NLGN1: variants seen among roughly 807,000 people sequenced by gnomAD.
NLGN1 encodes neuroligin 1, also known as neuroligin-1.
NLGN1 carries 12 observed loss-of-function variants against 65.5 expected under a neutral mutation model. The ratio of observed to expected loss-of-function variants is 0.18; its 90% CI spans 0.12 to 0.30. The LOEUF is 0.30. NLGN1 is among the 10% of genes least tolerant of loss of function. The pLI is 1.00. For missense variants in NLGN1, 750 were observed against 1,007.1 expected (o/e 0.74, Z 3.46); for synonymous variants, 350 against 359.5 (o/e 0.97, Z 0.30).
In NLGN1 at chr3:173,679,543, C is replaced by T. The variant is rs531553587; in HGVS notation, c.493+74452C>T. ...CTCCATGTGTTGGAATTGCTGAATA[C>T]CATTTCATGAGTTAGGTTGGAGAAG... is the stretch of plus-strand genomic sequence containing the variant. On this transcript the variant is annotated intron_variant, in intron 3 of 6. Coordinates refer to ENST00000457714, the Ensembl canonical transcript of NLGN1. Among the ~76,000 whole-genome samples the T allele has an allele frequency of 4.6e-5, 7 of 152,110 alleles. No homozygotes were observed. In the East Asian group the frequency reaches 1.4e-3, roughly 29 times the overall value.
chr3:173,924,874 T>C (rs1055897053), intron 4 of NLGN1, among the ~76,000 whole-genome samples: 13 of 152,098 alleles, frequency 8.5e-5, no homozygotes, highest in Admixed American at 1.3e-4. Flanking sequence ...CATGATTATT[T>C]TGAAAATGAA....
intron 3 of NLGN1, among the ~76,000 whole-genome samples, chr3:173,692,396 G>A (rs1276453300): frequency 6.6e-6 from 1 of 152,084 alleles, no homozygotes; most frequent in African/African-American, 2.4e-5. Context: ...TTTGTGGCAT[G>A]AGGATTAACT....
intron 4 of NLGN1, among the ~76,000 whole-genome samples, chr3:174,030,217 C>T (rs751070403): frequency 6.6e-5 from 10 of 151,288 alleles, no homozygotes; most frequent in South Asian, 2.1e-4. Context: ...CCTCCACCTC[C>T]GAGGTTCAAG....
chr3:174,111,384 C>A (rs58343511), intron 4 of NLGN1, among the ~76,000 whole-genome samples: 1 of 151,762 alleles, frequency 6.6e-6, no homozygotes, highest in Non-Finnish European at 1.5e-5. Context: ...TTAATAAAAG[C>A]CAGAACTTTG....
chr3:173,747,795 C>CTTCTTTT (rs1560289220), intron 3 of NLGN1, among the ~76,000 whole-genome samples: 8 of 78,574 alleles, frequency 1.0e-4, no homozygotes, highest in African/African-American at 3.7e-4. Flanking sequence ...TCTTCTTCTT[C>CTTCTTTT]TTGTTCTTTT....
intron 4 of NLGN1, among the ~76,000 whole-genome samples, chr3:173,830,615 T>C (rs1722339908): frequency 6.6e-6 from 1 of 152,184 alleles, no homozygotes; most frequent in Non-Finnish European, 1.5e-5. Flanking sequence ...ATACAATAAA[T>C]GAAACTCATA....
intron 3 of NLGN1, among the ~76,000 whole-genome samples, chr3:173,678,492 G>A (rs192933350): frequency 6.6e-6 from 1 of 152,164 alleles, no homozygotes; most frequent in African/African-American, 2.4e-5. Flanking sequence ...TGTATTGAAG[G>A]AATCGTAGGA....
chr3:173,662,021 A>T (rs1388565160), intron 3 of NLGN1, among the ~76,000 whole-genome samples: 1 of 152,030 alleles, frequency 6.6e-6, no homozygotes, highest in Non-Finnish European at 1.5e-5. Context: ...GACAAGAGTC[A>T]CGCAACTGTT....
intron 4 of NLGN1, among the ~76,000 whole-genome samples, chr3:173,911,855 A>G (rs1739666518): frequency 6.6e-6 from 1 of 152,216 alleles, no homozygotes; most frequent in Non-Finnish European, 1.5e-5. Context: ...AATTTTTGTT[A>G]CACAAAGACC....
At chr3:174,101,185 T>A (rs1477621062) in intron 4 of NLGN1, among the ~76,000 whole-genome samples, 1 of 152,156 alleles carries the variant, frequency 6.6e-6, no homozygotes, top group Non-Finnish European at 1.5e-5. Context: ...GGTACATGGC[T>A]TAGCACCTGG....
chr3:173,954,468 T>C (rs1162219680), intron 4 of NLGN1, among the ~76,000 whole-genome samples: 1 of 152,186 alleles, frequency 6.6e-6, no homozygotes, highest in African/African-American at 2.4e-5. Context: ...GAAAATTTGC[T>C]TTGCAAGATA....
chr3:174,267,651 C>T (rs13095909), intron 4 of NLGN1, among the ~76,000 whole-genome samples: 12,622 of 152,162 alleles, frequency 0.083, 550 homozygotes, highest in South Asian at 0.12. Flanking sequence ...TAATGCTACC[C>T]ACACTGCATC....
intron 4 of NLGN1, among the ~76,000 whole-genome samples, chr3:174,100,963 C>T (rs1435216100): frequency 6.6e-6 from 1 of 152,046 alleles, no homozygotes; most frequent in South Asian, 2.1e-4. Context: ...GCTCCGTTTT[C>T]CCCTCTGCAG....
At chr3:173,444,871 T>C (rs1324704765) in intron 2 of NLGN1, among the ~76,000 whole-genome samples, 2 of 152,096 alleles carry the variant, frequency 1.3e-5, no homozygotes, top group African/African-American at 2.4e-5. Context: ...CACACACATA[T>C]ATTACATTTT....
intron 3 of NLGN1, among the ~76,000 whole-genome samples, chr3:173,657,080 G>A (rs1760162830): frequency 6.6e-6 from 1 of 152,048 alleles, no homozygotes; most frequent in African/African-American, 2.4e-5. Context: ...AGAAAAACAT[G>A]TAGTTTTTAA....
intron 1 of NLGN1, among the ~76,000 whole-genome samples, chr3:173,415,943 A>AGTGCGC (rs141095727): frequency 7.0e-6 from 1 of 142,892 alleles, no homozygotes; most frequent in Non-Finnish European, 1.5e-5. Context: ...AGAGAGAGAG[A>AGTGCGC]GCTTGGTATA....
intron 2 of NLGN1, among the ~76,000 whole-genome samples, chr3:173,537,634 T>C (rs992294834): frequency 1.8e-4 from 27 of 152,176 alleles, no homozygotes; most frequent in Non-Finnish European, 3.5e-4. Context: ...CTACTATGCA[T>C]TCTGTATTCC....
At chr3:173,458,410 C>T (rs896382721) in intron 2 of NLGN1, among the ~76,000 whole-genome samples, 60 of 151,934 alleles carry the variant, frequency 3.9e-4, no homozygotes, top group African/African-American at 1.5e-3. Context: ...GGTATCTCAC[C>T]CTAAAGACGA....
chr3:174,132,398 GTTTCT>G (rs1208951372), intron 4 of NLGN1, among the ~76,000 whole-genome samples: 1 of 152,016 alleles, frequency 6.6e-6, no homozygotes, highest in African/African-American at 2.4e-5. Flanking sequence ...TTTCTTTCAT[GTTTCT>G]TTTCTTTTAA....
Sources: allele counts gnomAD v4.1 joint callset (sites outside exome capture counted in the v4.1 genomes callset), GRCh38; gene constraint gnomAD v4.1.1; transcripts MANE v1.5; gene names NCBI Gene and HGNC (gene_info 2026-07-23, HGNC 2026-07-21).